Variants in SPSB1 observed in about 807,000 individuals in gnomAD.
SPSB1 encodes SPRY domain-containing SOCS box protein 1.
SPSB1 carries 8 observed loss-of-function variants against 21.2 expected under a neutral mutation model. The observed-to-expected ratio is 0.38, with a 90% CI of 0.22 to 0.68. The LOEUF (loss-of-function observed/expected upper bound fraction) is 0.68. Among genes scored for constraint, SPSB1 ranks in the 30% least tolerant of loss-of-function variants. SPSB1 has a pLI of 0.53. For missense variants in SPSB1, 242 were observed against 377.8 expected (o/e 0.64, Z 2.98); for synonymous variants, 169 against 161.7 (o/e 1.05, Z -0.34).
intron 1 of SPSB1, among the ~76,000 whole-genome samples, chr1:9,329,466 A>G (rs867501600): frequency 4.6e-5 from 7 of 152,004 alleles, no homozygotes; most frequent in African/African-American, 7.2e-5. Context: ...CTTTGGGAAG[A>G]TGGGCATGGC....
intron 1 of SPSB1, among the ~76,000 whole-genome samples, chr1:9,343,951 A>G (rs1228671280): frequency 6.6e-6 from 1 of 151,960 alleles, no homozygotes; most frequent in East Asian, 1.9e-4. Flanking sequence ...ACGCCTGGCT[A>G]ATTTTTTGTA....
intron 1 of SPSB1, among the ~76,000 whole-genome samples, chr1:9,342,283 C>G (rs1213642685): frequency 6.6e-6 from 1 of 152,158 alleles, no homozygotes; most frequent in Non-Finnish European, 1.5e-5. Flanking sequence ...GACGATCCCT[C>G]CGTGAGAATG....
chr1:9,326,090 A>G (rs1445850164), intron 1 of SPSB1, among the ~76,000 whole-genome samples: 1 of 151,754 alleles, frequency 6.6e-6, no homozygotes, highest in South Asian at 2.1e-4. Flanking sequence ...ATCTGTCCCC[A>G]GGAGGGTGGC....
chr1:9,293,452 T>A lies in SPSB1; in HGVS notation c.-150+381T>A, dbSNP rs1429605379. Among the ~76,000 whole-genome samples, 2 of 151,354 alleles carry A rather than the reference T, an allele frequency of 1.3e-5. No individual in the cohort carries two copies. Among genetic ancestry groups the A allele is most frequent in the East Asian group, 3.9e-4 (2 of 5,086 alleles). ...CCGGGGCCGCCGACCCGTCCCCCCT[T>A]TAGCCCGGGGAAAGCGGGACCCCGC... On this transcript the variant is annotated intron_variant, in intron 1 of 2. Transcript: ENST00000328089. This position sits in a 1 kb window ranked among gnomAD's most constrained non-coding sequence, Gnocchi z 5.1.
chr1:9,349,059 C>T (rs767791256), intron 1 of SPSB1, among the ~76,000 whole-genome samples: 9 of 152,172 alleles, frequency 5.9e-5, no homozygotes, highest in Non-Finnish European at 1.0e-4. Context: ...CCCAGGGCTT[C>T]GTGTCATCTG....
At chr1:9,344,248 T>A (rs1640136782) in intron 1 of SPSB1, among the ~76,000 whole-genome samples, 1 of 152,180 alleles carries the variant, frequency 6.6e-6, no homozygotes, top group Non-Finnish European at 1.5e-5. Context: ...GAATGCAGGC[T>A]GCCCCGTGGA....
At position 9,361,159 on chromosome 1, in the gene SPSB1, T is replaced by TTTTTTTTTTC. The variant is rs1557467291; in HGVS notation, c.694+4583_694+4584insCTTTTTTTTT. ...GCATGGCTGGATCTGTCATTTTCTTTTTTTTTTTTTTTTTTTTTTTTTTTA... is the reference window on the plus strand; with the variant it reads ...GCATGGCTGGATCTGTCATTTTCTTTTTTTTTTTTCTTTTTTTTTTTTTTTTTTTTTTTTA... On this transcript the variant is annotated intron_variant, in intron 2 of 2. Transcript: ENST00000328089. Among the ~76,000 whole-genome samples, 2 of 33,230 alleles carry TTTTTTTTTTC rather than the reference T, an allele frequency of 6.0e-5. 1 individual carries two copies. Among genetic ancestry groups the TTTTTTTTTTC allele is most frequent in the African/African-American group, 1.7e-4 (2 of 11,686 alleles). The allele number at this position is 33,230 out of a possible 152,430, so 21.8% of individuals were successfully genotyped here. A position where few individuals can be genotyped will look rare whatever the true frequency, so the allele number is the denominator to read the frequency against.
intron 2 of SPSB1, among the ~76,000 whole-genome samples, chr1:9,365,663 G>T (rs10864412): frequency 6.6e-6 from 1 of 151,916 alleles, no homozygotes; most frequent in African/African-American, 2.4e-5. Context: ...TGCCCCACCC[G>T]TAGTGTTTGG....
chr1:9,299,428 T>G (rs376917255), intron 1 of SPSB1, among the ~76,000 whole-genome samples: 3 of 152,264 alleles, frequency 2.0e-5, no homozygotes, highest in Admixed American at 6.5e-5. Flanking sequence ...CGCTTGAACT[T>G]AGGAGTTTGA....
intron 1 of SPSB1, among the ~76,000 whole-genome samples, chr1:9,297,357 G>A (rs1639242730): frequency 6.6e-6 from 1 of 152,112 alleles, no homozygotes; most frequent in Non-Finnish European, 1.5e-5. Flanking sequence ...GGATTCCAGG[G>A]TTGGAAAAAC....
rs892782329 is a variant in SPSB1 at position 9,305,842 on chromosome 1, G to T, written c.-150+12771G>T. ...TCTGTCTAGTGGGTGAGACAGGCCC[G>T]TCTCTGCTGATGATAGCGCTCAGGG... is the stretch of plus-strand genomic sequence containing the variant. On this transcript the variant is annotated intron_variant, in intron 1 of 2. Transcript: ENST00000328089. The surrounding 1 kb of genome is among the most constrained non-coding windows in gnomAD (Gnocchi z 4.8). 6.6e-6 allele frequency among the ~76,000 whole-genome samples: 1 copy of T among 152,196 alleles called. No homozygotes were observed. Among genetic ancestry groups the T allele is most frequent in the African/African-American group, 2.4e-5 (1 of 41,448 alleles).
At chr1:9,365,909 C>T (rs905366957) in intron 2 of SPSB1, among the ~76,000 whole-genome samples, 1 of 152,188 alleles carries the variant, frequency 6.6e-6, no homozygotes, top group African/African-American at 2.4e-5. Context: ...TCCAGGTGTG[C>T]TCACTCCTAC....
chr1:9,362,036 G>A (rs145170211), intron 2 of SPSB1, among the ~76,000 whole-genome samples: 1 of 152,304 alleles, frequency 6.6e-6, no homozygotes, highest in East Asian at 1.9e-4. Context: ...GTGGTTTGTC[G>A]TGGTTGAAGG....
At chr1:9,366,559 G>A (rs1640574409) in intron 2 of SPSB1, among the ~76,000 whole-genome samples, 1 of 150,534 alleles carries the variant, frequency 6.6e-6, no homozygotes, top group South Asian at 2.1e-4. Context: ...TCCCCTCTGT[G>A]CCTGTGTGTC....
At chr1:9,306,926 TC>T (rs1557446049) in intron 1 of SPSB1, among the ~76,000 whole-genome samples, 1 of 35,620 alleles carries the variant, frequency 2.8e-5, no homozygotes, top group Non-Finnish European at 4.9e-5. Context: ...TTTCTTCTTT[TC>T]TTCTTTTTTT....
rs550836161 is a variant in SPSB1 at position 9,346,403 on chromosome 1, C to G, written c.-149-9340C>G. On this transcript the variant is annotated intron_variant, in intron 1 of 2. Transcript: ENST00000328089. The surrounding 1 kb of genome is among the most constrained non-coding windows in gnomAD (Gnocchi z 4.4). ...CCACTCGCTGGTGACAGACCCACCTCTGTGCATCCTTTACCTGCCCTTTCT... is the reference window on the plus strand; with the variant it reads ...CCACTCGCTGGTGACAGACCCACCTGTGTGCATCCTTTACCTGCCCTTTCT... Among the ~76,000 whole-genome samples, 10 of 152,310 alleles carry G rather than the reference C, an allele frequency of 6.6e-5. No individual in the cohort carries two copies. In the South Asian group the frequency reaches 2.1e-3, roughly 32 times the overall value.
At chr1:9,354,068 C>CG (rs1031382713) in intron 1 of SPSB1, among the ~76,000 whole-genome samples, 26 of 152,286 alleles carry the variant, frequency 1.7e-4, no homozygotes, top group African/African-American at 6.0e-4. Context: ...CTGGCCGCCC[C>CG]GGGAACAGGG....
intron 1 of SPSB1, among the ~76,000 whole-genome samples, chr1:9,315,301 C>T (rs1010905888): frequency 2.6e-5 from 4 of 152,248 alleles, no homozygotes; most frequent in South Asian, 4.1e-4. Context: ...GACACAGCCC[C>T]GTGCCAGTGT....
At chr1:9,355,260 A>AC (rs1228371026) in intron 1 of SPSB1, among the ~76,000 whole-genome samples, 1 of 152,186 alleles carries the variant, frequency 6.6e-6, no homozygotes. Context: ...AGAGACAGGG[A>AC]GGAGGAGCTG....
Sources: allele counts gnomAD v4.1 joint callset (sites outside exome capture counted in the v4.1 genomes callset), GRCh38; gene constraint gnomAD v4.1.1; non-coding constraint Gnocchi (gnomAD v3.1); transcripts MANE v1.5; gene names NCBI Gene and HGNC (gene_info 2026-07-23, HGNC 2026-07-21).